The following FTCDNL1 variants were observed in gnomAD, a reference collection of about 807,000 sequenced individuals.
FTCDNL1 encodes formiminotransferase cyclodeaminase N-terminal like.
A neutral mutation model predicts 5.9 loss-of-function variants in FTCDNL1; 11 were observed. The ratio of observed to expected loss-of-function variants is 1.87; its 90% CI spans 1.18 to 3.10. FTCDNL1 has a LOEUF of 3.10. Among genes scored for constraint, FTCDNL1 ranks in the 30% most tolerant of loss-of-function variants. The pLI is 0.00. For synonymous variants in FTCDNL1, 58 were observed against 24.8 expected, an observed-to-expected ratio of 2.34 and a Z score of -3.99; for missense variants, 115 against 65.5, an observed-to-expected ratio of 1.76 and a Z score of -2.61.
At chr2:199,776,923 T>TACAC (rs1282470998) in intron 3 of FTCDNL1, among the ~76,000 whole-genome samples, 1 of 146,262 alleles carries the variant, frequency 6.8e-6, no homozygotes, top group African/African-American at 2.6e-5. Flanking sequence ...TATGTATATA[T>TACAC]ATATACACAC....
intron 3 of FTCDNL1, among the ~76,000 whole-genome samples, chr2:199,834,227 T>C (rs888851026): frequency 4.6e-5 from 7 of 152,140 alleles, no homozygotes; most frequent in Non-Finnish European, 1.0e-4. Context: ...CAAGCCAAGA[T>C]GGGACAGGTT....
At chr2:199,749,236 C>A in the FTCDNL1 span, among the ~76,000 whole-genome samples, 144 of 152,268 alleles carry the variant, frequency 9.5e-4, no homozygotes, top group African/African-American at 3.4e-3. Context: ...TTCTCTCCAG[C>A]CTAGGAGTTC....
intron 3 of FTCDNL1, among the ~76,000 whole-genome samples, chr2:199,824,384 T>A (rs1242266525): frequency 6.6e-6 from 1 of 152,248 alleles, no homozygotes; most frequent in Non-Finnish European, 1.5e-5. Context: ...TGATCTTCTA[T>A]CCAGACCACT....
chr2:199,777,090 C>T (rs758082953), intron 3 of FTCDNL1, among the ~76,000 whole-genome samples: 1 of 151,146 alleles, frequency 6.6e-6, no homozygotes, highest in Admixed American at 6.6e-5. Context: ...GTCAGGAGTT[C>T]GAGACTAGCC....
chr2:199,806,836 A>G (rs1031608318), downstream of FTCDNL1, among the ~76,000 whole-genome samples: 1 of 152,180 alleles, frequency 6.6e-6, no homozygotes, highest in African/African-American at 2.4e-5. Context: ...TTAAGAAACT[A>G]AAAGTTAAAG....
At chr2:199,717,198 C>A in the FTCDNL1 span, among the ~76,000 whole-genome samples, 4 of 152,136 alleles carry the variant, frequency 2.6e-5, no homozygotes, top group African/African-American at 9.7e-5. Context: ...CTGTGGAACA[C>A]AAAAAGAATT....
chr2:199,720,471 T>C, the FTCDNL1 span, among the ~76,000 whole-genome samples: 2 of 152,316 alleles, frequency 1.3e-5, no homozygotes, highest in South Asian at 2.1e-4. Context: ...TCTTCTTGTC[T>C]GGAGACCTTG....
chr2:199,672,238 G>T, the FTCDNL1 span, among the ~76,000 whole-genome samples: 1 of 152,164 alleles, frequency 6.6e-6, no homozygotes, highest in African/African-American at 2.4e-5. Context: ...AAGGCTGCAA[G>T]TTCTGAAGTT....
At chr2:199,767,274 C>T (rs932267121) in intron 3 of FTCDNL1, among the ~76,000 whole-genome samples, 4 of 152,126 alleles carry the variant, frequency 2.6e-5, no homozygotes, top group African/African-American at 9.7e-5. Context: ...TTCAGGTAGT[C>T]TGAGAACTCA....
the FTCDNL1 span, among the ~76,000 whole-genome samples, chr2:199,676,137 G>A: frequency 6.6e-6 from 1 of 152,154 alleles, no homozygotes; most frequent in African/African-American, 2.4e-5. Flanking sequence ...ATAGCACCCA[G>A]TAGTAATAGA....
chr2:199,697,255 G>A, the FTCDNL1 span, among the ~76,000 whole-genome samples: 1 of 152,166 alleles, frequency 6.6e-6, no homozygotes, highest in South Asian at 2.1e-4. Context: ...CTGGGCGACA[G>A]AGAGGGACTC....
At chr2:199,756,076 G>A (rs1223940222), downstream of FTCDNL1, among the ~76,000 whole-genome samples, 1 of 152,138 alleles carries the variant, frequency 6.6e-6, no homozygotes, top group Admixed American at 6.5e-5. Flanking sequence ...TTGGAACAGT[G>A]ACTAAAAGAA....
the FTCDNL1 span, among the ~76,000 whole-genome samples, chr2:199,739,695 A>T: frequency 6.6e-6 from 1 of 152,208 alleles, no homozygotes; most frequent in East Asian, 1.9e-4. Context: ...TACTAGAGTG[A>T]TTTTCAGTTA....
the FTCDNL1 span, among the ~76,000 whole-genome samples, chr2:199,738,822 C>T: frequency 6.6e-6 from 1 of 152,140 alleles, no homozygotes; most frequent in Non-Finnish European, 1.5e-5. Context: ...AAATTTCCTC[C>T]TCTCTCTCTG....
At chr2:199,692,512 T>G in the FTCDNL1 span, among the ~76,000 whole-genome samples, 1 of 152,220 alleles carries the variant, frequency 6.6e-6, no homozygotes, top group Non-Finnish European at 1.5e-5. Flanking sequence ...AATTAAGGCT[T>G]GTGAGAAGCA....
the FTCDNL1 span, among the ~76,000 whole-genome samples, chr2:199,697,069 G>A: frequency 2.0e-5 from 3 of 152,100 alleles, no homozygotes; most frequent in Non-Finnish European, 2.9e-5. Context: ...CCAAGAGATC[G>A]AGACCATCCT....
chr2:199,834,060 G>A (rs1702550696), intron 3 of FTCDNL1, among the ~76,000 whole-genome samples: 1 of 152,168 alleles, frequency 6.6e-6, no homozygotes, highest in African/African-American at 2.4e-5. Context: ...CCTTATTCTG[G>A]AATAGGGTCA....
intron 3 of FTCDNL1, among the ~76,000 whole-genome samples, chr2:199,824,534 T>C (rs1168078378): frequency 1.3e-5 from 2 of 152,238 alleles, no homozygotes; most frequent in Non-Finnish European, 2.9e-5. Flanking sequence ...GGCCTAGCTA[T>C]TGACCTATCT....
chr2:199,734,542 TTAAA>T, the FTCDNL1 span, among the ~76,000 whole-genome samples: 1 of 152,212 alleles, frequency 6.6e-6, no homozygotes, highest in Middle Eastern at 3.2e-3. Flanking sequence ...TAAGTTATCT[TTAAA>T]TATCTTTAAA....
Sources: allele counts gnomAD v4.1 joint callset (sites outside exome capture counted in the v4.1 genomes callset), GRCh38; gene constraint gnomAD v4.1.1; transcripts MANE v1.5; gene names NCBI Gene and HGNC (gene_info 2026-07-23, HGNC 2026-07-21).